UBE2D2: variants seen among roughly 807,000 people sequenced by gnomAD.
The protein encoded by UBE2D2 is ubiquitin-conjugating enzyme E2 D2.
A neutral mutation model predicts 24.2 loss-of-function variants in UBE2D2; 2 were observed. The ratio of observed to expected loss-of-function variants is 0.08; its 90% CI spans 0.03 to 0.26. The LOEUF is 0.26. Ranked by LOEUF, UBE2D2 falls within the 10% of genes least tolerant of loss-of-function variation. The probability of loss-of-function intolerance (pLI) is 1.00; values close to 1 mark genes in which losing one functional copy is unlikely to be tolerated. For synonymous variants in UBE2D2, 58 were observed against 56.5 expected (o/e 1.03, Z -0.12); for missense variants, 44 against 177.6 (o/e 0.25, Z 4.28).
At chr5:139,582,983 T>C (rs1361187928) in intron 1 of UBE2D2, among the ~76,000 whole-genome samples, 3 of 151,348 alleles carry the variant, frequency 2.0e-5, no homozygotes, top group East Asian at 3.9e-4. Flanking sequence ...TTTTCTTTTT[T>C]TTTTTTTTGA....
intron 1 of UBE2D2, among the ~76,000 whole-genome samples, chr5:139,533,868 C>T (rs1204648936): frequency 1.3e-5 from 2 of 150,704 alleles, no homozygotes; most frequent in African/African-American, 2.4e-5. Context: ...CAGCAACCTC[C>T]GCCTCCCGGG....
intron 1 of UBE2D2, among the ~76,000 whole-genome samples, chr5:139,556,166 G>A (rs1346431491): frequency 6.6e-6 from 1 of 151,882 alleles, no homozygotes; most frequent in Non-Finnish European, 1.5e-5. Context: ...AGCTCGGGAG[G>A]TAGAGATTGC....
intron 1 of UBE2D2, among the ~76,000 whole-genome samples, chr5:139,598,409 A>G (rs1754003151): frequency 6.6e-6 from 1 of 152,110 alleles, no homozygotes; most frequent in African/African-American, 2.4e-5. Context: ...GGAATATAGT[A>G]TGATTTCCTG....
intron 1 of UBE2D2, among the ~76,000 whole-genome samples, chr5:139,548,193 A>ATTAAAT (rs1752862435): frequency 2.1e-5 from 1 of 47,104 alleles, no homozygotes; most frequent in Non-Finnish European, 3.8e-5. Context: ...ATAAAAAAAA[A>ATTAAAT]AAATAAATAA....
chr5:139,614,291 C>A (rs1270911096), intron 2 of UBE2D2, among the ~76,000 whole-genome samples: 2 of 152,016 alleles, frequency 1.3e-5, no homozygotes, highest in Non-Finnish European at 2.9e-5. Context: ...GCAGCCTCCA[C>A]TTCTCAGGCT....
chr5:139,582,584 C>G (rs1396892986), intron 1 of UBE2D2, among the ~76,000 whole-genome samples: 2 of 151,722 alleles, frequency 1.3e-5, no homozygotes, highest in Non-Finnish European at 1.5e-5. Context: ...CTACCACATG[C>G]GACCAGGTGT....
chr5:139,609,612 C>A (rs1428985183), intron 2 of UBE2D2, among the ~76,000 whole-genome samples: 3 of 151,212 alleles, frequency 2.0e-5, no homozygotes, highest in Admixed American at 6.6e-5. Flanking sequence ...CTCAGGTGAT[C>A]CGCTCGCCTC....
intron 2 of UBE2D2, among the ~76,000 whole-genome samples, chr5:139,602,240 C>T (rs907307708): frequency 2.6e-5 from 4 of 152,244 alleles, no homozygotes; most frequent in Admixed American, 6.5e-5. Context: ...TTAGTAGAGA[C>T]GGGGTTTCGC....
chr5:139,533,651 CAAAAA>C (rs200520528), intron 1 of UBE2D2, among the ~76,000 whole-genome samples: 6 of 127,954 alleles, frequency 4.7e-5, no homozygotes, highest in African/African-American at 1.8e-4. Context: ...AACTCCGTCT[CAAAAA>C]AAAAAGAAAA....
chr5:139,585,049 C>T (rs1187188473), intron 1 of UBE2D2, among the ~76,000 whole-genome samples: 2 of 151,116 alleles, frequency 1.3e-5, no homozygotes, highest in African/African-American at 4.9e-5. Flanking sequence ...TACAGGCATG[C>T]ACCACCACGC....
At chr5:139,626,618 A>C (rs182965856) in intron 6 of UBE2D2, 138 bp from the exon 7 acceptor site, 1 of 686,512 alleles carries the variant, frequency 1.5e-6, no homozygotes, top group Non-Finnish European at 2.6e-6. Flanking sequence ...CCTTATCAGA[A>C]ATTTGGGATA....
At chr5:139,618,644 A>C (rs1161359861) in intron 5 of UBE2D2, among the ~76,000 whole-genome samples, 1 of 152,100 alleles carries the variant, frequency 6.6e-6, no homozygotes, top group Non-Finnish European at 1.5e-5. Flanking sequence ...AATTATTGCC[A>C]TACCTCTTTT....
At chr5:139,579,418 A>G (rs1753548041) in intron 1 of UBE2D2, among the ~76,000 whole-genome samples, 1 of 152,120 alleles carries the variant, frequency 6.6e-6, no homozygotes, top group Admixed American at 6.6e-5. Flanking sequence ...AAGTGCTGTG[A>G]TTACAGGCGT....
At chr5:139,556,335 G>A (rs1478130555), upstream of UBE2D2, among the ~76,000 whole-genome samples, 1 of 152,178 alleles carries the variant, frequency 6.6e-6, no homozygotes, top group Non-Finnish European at 1.5e-5. Context: ...CTGAACCCGG[G>A]AGGTGGAGGT....
chr5:139,544,164 C>CT (rs1275569168), intron 1 of UBE2D2, among the ~76,000 whole-genome samples: 3 of 136,944 alleles, frequency 2.2e-5, no homozygotes, highest in African/African-American at 9.7e-5. Flanking sequence ...TTTTTTCTTT[C>CT]TTTCTTTTTT....
intron 1 of UBE2D2, among the ~76,000 whole-genome samples, chr5:139,582,008 T>TA (rs1333953412): frequency 6.6e-6 from 1 of 151,594 alleles, no homozygotes; most frequent in Non-Finnish European, 1.5e-5. Context: ...TTTTTGAAGA[T>TA]AGAGTCTCAC....
rs554758779 is a variant in UBE2D2 at position 139,604,073 on chromosome 5, T to C, written c.88+3638T>C. On this transcript the variant is annotated intron_variant, in intron 2 of 6. Coordinates refer to ENST00000398733, the MANE Select transcript of UBE2D2 (RefSeq NM_003339.3). ...GCCATCACGAAAGTGATAAAACATATAGAATGGAAGAAATTGTTGCAAGTC... is the reference window on the plus strand; with the variant it reads ...GCCATCACGAAAGTGATAAAACATACAGAATGGAAGAAATTGTTGCAAGTC... Among the ~76,000 whole-genome samples, 9 of 151,738 alleles carry C rather than the reference T, an allele frequency of 5.9e-5. No individual in the cohort carries two copies. The South Asian group carries it at 8.3e-4, about 14-fold the overall frequency.
intron 1 of UBE2D2, chr5:139,562,480 A>T: frequency 8.0e-7 from 1 of 1,254,526 alleles, no homozygotes; most frequent in East Asian, 5.6e-5. Flanking sequence ...TGTAGTTAGA[A>T]ACTAACACTT....
chr5:139,536,342 G>A (rs554329634), intron 1 of UBE2D2, among the ~76,000 whole-genome samples: 56 of 150,400 alleles, frequency 3.7e-4, no homozygotes, highest in Admixed American at 2.2e-3. Flanking sequence ...TGAGTGATCC[G>A]CCCGCCTCCG....
Sources: gnomAD v4.1 joint callset for allele counts (sites outside exome capture counted in the v4.1 genomes callset) on GRCh38, gnomAD v4.1.1 for gene constraint, MANE v1.5 for transcripts, NCBI Gene and HGNC (gene_info 2026-07-23, HGNC 2026-07-21) for gene names.